The following CDYL variants were observed in gnomAD, a reference collection of about 807,000 sequenced individuals.
CDYL encodes chromodomain Y-like protein.
In CDYL, 8 loss-of-function variants were observed where a neutral mutation model predicts 47.3. The observed-to-expected ratio is 0.17, with a 90% CI of 0.10 to 0.31. CDYL has a LOEUF of 0.31. Ranked by LOEUF, CDYL falls within the 10% of genes least tolerant of loss-of-function variation. The pLI is 1.00. For synonymous variants in CDYL, 266 were observed against 265.0 expected (o/e 1.00, Z -0.04); for missense variants, 471 against 701.4 (o/e 0.67, Z 3.71).
chr6:4,753,848 C>G (rs1337063923), intron 3 of CDYL, among the ~76,000 whole-genome samples: 1 of 152,180 alleles, frequency 6.6e-6, no homozygotes, highest in Non-Finnish European at 1.5e-5. Context: ...TCCCTCTTTG[C>G]TCTGGCCACT....
At chr6:4,915,449 C>A (rs1757529923) in intron 2 of CDYL, among the ~76,000 whole-genome samples, 1 of 152,048 alleles carries the variant, frequency 6.6e-6, no homozygotes, top group Admixed American at 6.6e-5. Flanking sequence ...CCAAGGGGAC[C>A]CTAAAGAAAC....
intron 1 of CDYL, among the ~76,000 whole-genome samples, chr6:4,880,305 T>A (rs1022958945): frequency 6.6e-6 from 1 of 152,202 alleles, no homozygotes; most frequent in African/African-American, 2.4e-5. Context: ...GATGGGCGTC[T>A]TTTACCTAGC....
intron 5 of CDYL, among the ~76,000 whole-genome samples, chr6:4,948,680 C>T (rs954766717): frequency 3.9e-5 from 6 of 152,188 alleles, no homozygotes; most frequent in African/African-American, 7.2e-5. Context: ...GTAGCCCCCA[C>T]AGGACAGCCC....
At chr6:4,737,210 T>C (rs1757718730) in intron 3 of CDYL, among the ~76,000 whole-genome samples, 1 of 152,174 alleles carries the variant, frequency 6.6e-6, no homozygotes, top group African/African-American at 2.4e-5. Flanking sequence ...ATATGTGACT[T>C]TAACTGATTT....
chr6:4,741,096 A>C (rs1410291191), intron 3 of CDYL, among the ~76,000 whole-genome samples: 1 of 152,126 alleles, frequency 6.6e-6, no homozygotes, highest in Non-Finnish European at 1.5e-5. Context: ...CTCTATAATC[A>C]TTTTAATTGG....
intron 1 of CDYL, among the ~76,000 whole-genome samples, chr6:4,784,875 A>C (rs1210349364): frequency 6.7e-6 from 1 of 149,862 alleles, no homozygotes; most frequent in Non-Finnish European, 1.5e-5. Flanking sequence ...GTCTCATGAG[A>C]TCTCATGGTT....
intron 1 of CDYL, among the ~76,000 whole-genome samples, chr6:4,712,238 C>T (rs141324156): frequency 6.6e-6 from 1 of 152,220 alleles, no homozygotes; most frequent in Non-Finnish European, 1.5e-5. Flanking sequence ...AGGCTAGGAG[C>T]ACATGTTCAT....
chr6:4,841,188 T>TTTA (rs1760478444), intron 1 of CDYL, among the ~76,000 whole-genome samples: 1 of 152,204 alleles, frequency 6.6e-6, no homozygotes, highest in South Asian at 2.1e-4. Context: ...GGTTTTTTAG[T>TTTA]TTATGTGCAT....
chr6:4,710,682 C>A (rs933431491), intron 1 of CDYL, among the ~76,000 whole-genome samples: 4 of 152,130 alleles, frequency 2.6e-5, no homozygotes, highest in Admixed American at 2.6e-4. Context: ...CCCACAGGCA[C>A]GCTGTGCTCC....
chr6:4,716,225 G>A (rs528758099), intron 2 of CDYL, among the ~76,000 whole-genome samples: 2 of 150,046 alleles, frequency 1.3e-5, no homozygotes, highest in South Asian at 4.2e-4. Flanking sequence ...CTCCAGCCTG[G>A]GTGACAGCAA....
chr6:4,764,862 CAT>C (rs57008721), intron 3 of CDYL, among the ~76,000 whole-genome samples: 26,655 of 151,944 alleles, frequency 0.18, 3,213 homozygotes, highest in African/African-American at 0.34. Context: ...AACACACACA[CAT>C]ATATATAATA....
upstream of CDYL, chr6:4,773,171 C>T (rs1758363655): frequency 2.2e-6 from 1 of 457,280 alleles, no homozygotes; most frequent in Non-Finnish European, 4.4e-6. This position sits in a 1 kb window ranked among gnomAD's most constrained non-coding sequence, Gnocchi z 4.6. Context: ...ACAACGGGAG[C>T]AGGTCAGGTA....
chr6:4,922,386 G>T (rs952742602), intron 2 of CDYL, among the ~76,000 whole-genome samples: 1 of 152,226 alleles, frequency 6.6e-6, no homozygotes, highest in Non-Finnish European at 1.5e-5. Context: ...CATGGGCAAT[G>T]AATCCTGAGG....
intron 1 of CDYL, among the ~76,000 whole-genome samples, chr6:4,848,455 C>T (rs992763911): frequency 2.6e-5 from 4 of 152,142 alleles, no homozygotes; most frequent in Non-Finnish European, 4.4e-5. Context: ...CGATGTATGC[C>T]TCCTATTATA....
chr6:4,780,799 A>T (rs1050690007), intron 1 of CDYL, among the ~76,000 whole-genome samples: 4 of 152,202 alleles, frequency 2.6e-5, no homozygotes, highest in African/African-American at 7.2e-5. Context: ...AAGATTTAGG[A>T]TTTGAAAGTA....
intron 2 of CDYL, among the ~76,000 whole-genome samples, chr6:4,934,034 C>G (rs181400913): frequency 2.0e-5 from 3 of 152,236 alleles, no homozygotes; most frequent in Non-Finnish European, 4.4e-5. Flanking sequence ...ATGTGTATAT[C>G]TTATATATGT....
At chr6:4,751,170 A>G (rs767473658) in intron 3 of CDYL, among the ~76,000 whole-genome samples, 108 of 152,136 alleles carry the variant, frequency 7.1e-4, no homozygotes, top group African/African-American at 2.5e-3. Context: ...ACTCTTTTTA[A>G]TGGTTTAATG....
At chr6:4,848,468 GT>G (rs1193393193) in intron 1 of CDYL, among the ~76,000 whole-genome samples, 1 of 152,208 alleles carries the variant, frequency 6.6e-6, no homozygotes, top group African/African-American at 2.4e-5. Context: ...CTATTATAGT[GT>G]TGAAAATGTT....
At chr6:4,713,837 C>T (rs1255318348) in intron 1 of CDYL, among the ~76,000 whole-genome samples, 2 of 152,210 alleles carry the variant, frequency 1.3e-5, no homozygotes, top group Admixed American at 1.3e-4. Flanking sequence ...ATCTGCCTGC[C>T]TCGGCCTCCC....
Sources: allele counts gnomAD v4.1 joint callset (sites outside exome capture counted in the v4.1 genomes callset), GRCh38; gene constraint gnomAD v4.1.1; non-coding constraint Gnocchi (gnomAD v3.1); transcripts MANE v1.5; gene names NCBI Gene and HGNC (gene_info 2026-07-23, HGNC 2026-07-21).